Variants in CDC73 observed in about 807,000 individuals in gnomAD.
The protein encoded by CDC73 is parafibromin.
A neutral mutation model predicts 83.7 loss-of-function variants in CDC73; 21 were observed. That is an observed-to-expected ratio of 0.25 (90% CI 0.18 to 0.36). CDC73 has a LOEUF of 0.36. Among genes scored for constraint, CDC73 ranks in the 10% least tolerant of loss-of-function variants. CDC73 has a pLI of 1.00. For synonymous variants in CDC73, 224 were observed against 212.9 expected (o/e 1.05, Z -0.45); for missense variants, 342 against 653.3 (o/e 0.52, Z 5.19).
At chr1:193,233,526 T>A (rs1327341244) in intron 14 of CDC73, among the ~76,000 whole-genome samples, 2 of 152,232 alleles carry the variant, frequency 1.3e-5, no homozygotes, top group African/African-American at 4.8e-5. Flanking sequence ...TTCTAATAAT[T>A]CCTCAATAAC....
intron 10 of CDC73, among the ~76,000 whole-genome samples, chr1:193,156,281 A>G (rs1439869515): frequency 6.6e-6 from 1 of 152,152 alleles, no homozygotes; most frequent in African/African-American, 2.4e-5. Context: ...ATTTAACTGG[A>G]AGGGTTACAG....
chr1:193,230,388 C>T (rs996103984), intron 13 of CDC73, among the ~76,000 whole-genome samples: 1 of 151,378 alleles, frequency 6.6e-6, no homozygotes, highest in Non-Finnish European at 1.5e-5. Context: ...CTCAAATGAT[C>T]CACCCACCTT....
chr1:193,235,406 A>G (rs995898971), intron 14 of CDC73, among the ~76,000 whole-genome samples: 2 of 152,224 alleles, frequency 1.3e-5, no homozygotes, highest in Non-Finnish European at 2.9e-5. Context: ...TAAGTAACGC[A>G]TAAAGTCCTT....
intron 10 of CDC73, among the ~76,000 whole-genome samples, chr1:193,178,619 CT>C (rs536963674): frequency 6.6e-6 from 1 of 152,160 alleles, no homozygotes; most frequent in South Asian, 2.1e-4. Context: ...GTATTATCCC[CT>C]TATGTGTGAC....
chr1:193,209,107 T>C (rs965873679), intron 11 of CDC73, among the ~76,000 whole-genome samples: 2 of 152,260 alleles, frequency 1.3e-5, no homozygotes, highest in African/African-American at 4.8e-5. Flanking sequence ...ACTTCTGTTT[T>C]ATTTGCAATT....
intron 13 of CDC73, among the ~76,000 whole-genome samples, chr1:193,224,605 CAT>C (rs1203584908): frequency 5.9e-5 from 9 of 151,918 alleles, no homozygotes; most frequent in Admixed American, 1.3e-4. Flanking sequence ...CACATGTACA[CAT>C]ATATGAAATA....
intron 7 of CDC73, among the ~76,000 whole-genome samples, chr1:193,146,385 A>G (rs984273152): frequency 6.6e-6 from 1 of 152,168 alleles, no homozygotes; most frequent in African/African-American, 2.4e-5. Context: ...TTATGAAGAC[A>G]AGAAATTTAT....
intron 13 of CDC73, among the ~76,000 whole-genome samples, chr1:193,215,424 A>G (rs759733002): frequency 6.6e-6 from 1 of 152,200 alleles, no homozygotes; most frequent in Non-Finnish European, 1.5e-5. Flanking sequence ...GTTGCAGAGC[A>G]GGAAATACAA....
At chr1:193,225,179 C>A (rs938792444) in intron 13 of CDC73, among the ~76,000 whole-genome samples, 10 of 151,638 alleles carry the variant, frequency 6.6e-5, no homozygotes, top group African/African-American at 2.4e-4. Context: ...TGATAGTCTC[C>A]AGTTCCATCC....
In CDC73 at chr1:193,212,522, C is replaced by T. The variant is rs766513999; in HGVS notation, c.1154+45C>T. On this transcript the variant is annotated intron_variant, in intron 13 of 16. Transcript: ENST00000367435. ...ATCCTGTACGTAGGATATTGAGATA[C>T]CATTGGAAAATAGTAGTTACTGAAT... is the stretch of plus-strand genomic sequence containing the variant. 12 of 1,238,662 alleles carry T rather than the reference C, an allele frequency of 9.7e-6. No individual in the cohort carries two copies. The African/African-American group carries it at 1.8e-4, about 18-fold the overall frequency. 76.7% of individuals were successfully genotyped at this position (1,238,662 alleles called of 1,614,324 possible).
chr1:193,180,717 TAGGTAACC>T, intron 10 of CDC73: 1 of 1,614,094 alleles, frequency 6.2e-7, no homozygotes, highest in Non-Finnish European at 8.5e-7. Context: ...ATCCTCGCAT[TAGGTAACC>T]AGTGAAATAG....
intron 10 of CDC73, among the ~76,000 whole-genome samples, chr1:193,154,104 T>TTGAC (rs1382240799): frequency 6.6e-6 from 1 of 152,232 alleles, no homozygotes; most frequent in Non-Finnish European, 1.5e-5. Context: ...GATTTGGTTA[T>TTGAC]TGACATCTTG....
intron 13 of CDC73, among the ~76,000 whole-genome samples, chr1:193,214,549 C>G (rs1677330578): frequency 6.6e-6 from 1 of 152,038 alleles, no homozygotes; most frequent in Admixed American, 6.5e-5. Flanking sequence ...AACCCCGTCT[C>G]TACTAAAAAT....
At chr1:193,222,811 T>C (rs1405194787) in intron 13 of CDC73, among the ~76,000 whole-genome samples, 1 of 141,564 alleles carries the variant, frequency 7.1e-6, no homozygotes, top group Non-Finnish European at 1.5e-5. Flanking sequence ...TTTTCTCACC[T>C]CTTTTTGGAA....
At chr1:193,155,170 T>C (rs770265833) in intron 10 of CDC73, among the ~76,000 whole-genome samples, 1 of 152,244 alleles carries the variant, frequency 6.6e-6, no homozygotes, top group Non-Finnish European at 1.5e-5. Flanking sequence ...GGATATGTTT[T>C]GATAATCACA....
chr1:193,245,189 A>AC (rs1165483491), intron 15 of CDC73, among the ~76,000 whole-genome samples: 2 of 152,124 alleles, frequency 1.3e-5, no homozygotes, highest in Non-Finnish European at 2.9e-5. Flanking sequence ...ACTATGTATT[A>AC]TTGTTAACTA....
intron 10 of CDC73, among the ~76,000 whole-genome samples, chr1:193,202,403 A>C (rs1336591527): frequency 6.6e-6 from 1 of 151,594 alleles, no homozygotes; most frequent in African/African-American, 2.4e-5. Context: ...CTTATGACTC[A>C]CTTTTTTTTT....
chr1:193,182,879 A>G (rs1157595251), intron 10 of CDC73, among the ~76,000 whole-genome samples: 10 of 152,056 alleles, frequency 6.6e-5, no homozygotes, highest in Admixed American at 6.6e-4. Flanking sequence ...AGTGATGAAT[A>G]TGTAATTTTA....
intron 9 of CDC73, 74 bp downstream of exon 9, chr1:193,150,456 A>C: frequency 9.4e-7 from 1 of 1,064,580 alleles, no homozygotes; most frequent in East Asian, 2.4e-5. Context: ...CCTGATGTTT[A>C]AGGGTAAGGG....
Sources: gnomAD v4.1 joint callset for allele counts (sites outside exome capture counted in the v4.1 genomes callset) on GRCh38, gnomAD v4.1.1 for gene constraint, MANE v1.5 for transcripts, NCBI Gene and HGNC (gene_info 2026-07-23, HGNC 2026-07-21) for gene names.